Variants in METTL2B observed in about 807,000 individuals in gnomAD.
The protein encoded by METTL2B is tRNA N(3)-cytidine methyltransferase METTL2B.
In METTL2B, 28 loss-of-function variants were observed where a neutral mutation model predicts 51.0. The ratio of observed to expected loss-of-function variants is 0.55; its 90% CI spans 0.41 to 0.75. The LOEUF (loss-of-function observed/expected upper bound fraction) is 0.75, where lower values mean the gene tolerates loss of function less well. METTL2B is among the 30% of genes least tolerant of loss of function. The probability of loss-of-function intolerance (pLI) is 0.00; values close to 1 mark genes in which losing one functional copy is unlikely to be tolerated. For missense variants in METTL2B, 313 were observed against 460.7 expected (o/e 0.68, Z 2.93); for synonymous variants, 128 against 166.3 (o/e 0.77, Z 1.77).
At chr7:128,501,650 T>C in intron 8 of METTL2B, 112 bp from the exon 9 acceptor site, 4 of 1,517,160 alleles carry the variant, frequency 2.6e-6, no homozygotes, top group Non-Finnish European at 3.5e-6. Flanking sequence ...CAAATGGCCA[T>C]GTAAAAAACA....
intron 7 of METTL2B, among the ~76,000 whole-genome samples, chr7:128,499,592 C>A (rs1251766814): frequency 6.7e-6 from 1 of 148,716 alleles, no homozygotes; most frequent in Non-Finnish European, 1.5e-5. Context: ...GATCTCGGCT[C>A]ACTGCAACGT....
chr7:128,499,964 C>T (rs955426780), intron 7 of METTL2B, among the ~76,000 whole-genome samples: 5 of 152,158 alleles, frequency 3.3e-5, no homozygotes, highest in African/African-American at 1.2e-4. Context: ...TGCTTGTCAC[C>T]TGAGGTGGAC....
intron 5 of METTL2B, 180 bp downstream of exon 5, chr7:128,488,341 A>G (rs752351610): frequency 6.3e-5 from 57 of 899,848 alleles, no homozygotes; most frequent in Non-Finnish European, 1.0e-4. Context: ...ATCACACTGT[A>G]CAGATGTCAT....
intron 4 of METTL2B, among the ~76,000 whole-genome samples, chr7:128,485,006 T>A (rs1232983287): frequency 6.6e-6 from 1 of 152,132 alleles, no homozygotes; most frequent in African/African-American, 2.4e-5. Context: ...ATTTCCCAAT[T>A]TCCCCCAATC....
intron 7 of METTL2B, among the ~76,000 whole-genome samples, chr7:128,500,130 G>A (rs1315194587): frequency 6.6e-6 from 1 of 152,156 alleles, no homozygotes; most frequent in Non-Finnish European, 1.5e-5. Context: ...AGGTCTAGAA[G>A]TATGTGCCAG....
At chr7:128,496,067 C>T (rs1231319927) in intron 6 of METTL2B, among the ~76,000 whole-genome samples, 1 of 152,118 alleles carries the variant, frequency 6.6e-6, no homozygotes, top group Non-Finnish European at 1.5e-5. Context: ...CCTGGTTTAT[C>T]TCCCAGAGTC....
intron 7 of METTL2B, 105 bp downstream of exon 7, chr7:128,498,247 A>T (rs1792961137): frequency 7.6e-7 from 1 of 1,322,278 alleles, no homozygotes; most frequent in African/African-American, 1.5e-5. Context: ...CAAGAACAGA[A>T]AACCAAACAC....
At chr7:128,490,325 C>CTTTTTTT (rs56261578) in intron 5 of METTL2B, among the ~76,000 whole-genome samples, 1 of 131,852 alleles carries the variant, frequency 7.6e-6, no homozygotes, top group African/African-American at 2.8e-5. Context: ...TCAGGCTTCA[C>CTTTTTTT]TTTTTTTTTT....
At chr7:128,477,289 A>C (rs2288558) in intron 2 of METTL2B, 116 bp downstream of exon 2, 51,826 of 1,385,790 alleles carry the variant, frequency 0.037, 2,090 homozygotes, top group East Asian at 0.2. Context: ...CCTGATGCGG[A>C]TCTCAGGAGT....
Position 128,492,867 on chromosome 7 carries a change from C to T in METTL2B, c.670-937C>T, listed in dbSNP as rs1384970009. On this transcript the variant is annotated intron_variant, in intron 5 of 8. Coordinates refer to ENST00000262432, the MANE Select transcript of METTL2B (RefSeq NM_018396.3). ...TCCTGACCTCATGATCTGCGCGCCT[C>T]GGCCTCCCAAAGTGCTAGGATTACA... is the stretch of plus-strand genomic sequence containing the variant. Among the ~76,000 whole-genome samples the T allele has an allele frequency of 6.6e-5, 10 of 152,030 alleles. No homozygotes were observed. The East Asian group carries it at 1.4e-3, about 21-fold the overall frequency.
At chr7:128,477,021 C>G (rs1799809851) in intron 1 of METTL2B, 61 bp from the exon 2 acceptor site, 1 of 1,562,272 alleles carries the variant, frequency 6.4e-7, no homozygotes, top group Non-Finnish European at 8.7e-7. Flanking sequence ...CCTAGGCCAG[C>G]GACTCACCCT....
intron 3 of METTL2B, 95 bp from the exon 4 acceptor site, chr7:128,480,552 C>T: frequency 3.8e-6 from 6 of 1,588,446 alleles, no homozygotes; most frequent in Non-Finnish European, 5.1e-6. Context: ...TACAGTTAGG[C>T]CAGATTCTTG....
Position 128,479,244 on chromosome 7 carries a change from T to G in METTL2B, c.289T>G (p.Phe97Val). Residue 97 changes from phenylalanine to valine, a missense_variant, in exon 3 of 9, where the codon TTT (phenylalanine) becomes GTT (valine). Around this residue, in one of 4 missense-constraint regions of METTL2B, gnomAD observed 67 missense variants for 101.4 expected, o/e 0.66. Transcript: ENST00000262432. ...NGFFKDRHWL[F>V]TEFPELAPSQ... The stretch of plus-strand genomic sequence containing the variant: ...GTTTTTCAAGGATAGACATTGGCTT[T>G]TTACCGAATTCCCTGAGCTGGCACC... The G allele has an allele frequency of 1.9e-6, 3 of 1,614,228 alleles. No individual in the cohort carries two copies. Among genetic ancestry groups the G allele is most frequent in the Non-Finnish European group, 2.5e-6 (3 of 1,180,038 alleles).
intron 4 of METTL2B, among the ~76,000 whole-genome samples, chr7:128,482,556 C>T (rs4731460): frequency 2.6e-5 from 4 of 152,168 alleles, no homozygotes; most frequent in East Asian, 1.9e-4. Flanking sequence ...TTGTTTGAGA[C>T]GGAGTCTTGC....
intron 3 of METTL2B, among the ~76,000 whole-genome samples, chr7:128,479,770 C>A (rs866103792): frequency 6.6e-6 from 1 of 152,220 alleles, no homozygotes; most frequent in Non-Finnish European, 1.5e-5. Context: ...TTAATAGCAT[C>A]ATGCTGTACC....
chr7:128,496,666 G>T (rs528038466), intron 6 of METTL2B, among the ~76,000 whole-genome samples: 1 of 152,294 alleles, frequency 6.6e-6, no homozygotes, highest in South Asian at 2.1e-4. Context: ...CACACTTTTA[G>T]TCCCAGCTAC....
Position 128,479,305 on chromosome 7 carries a change from T to C in METTL2B, c.350T>C (p.Leu117Ser), listed in dbSNP as rs758149729. Residue 117 changes from leucine to serine, a missense_variant, in exon 3 of 9, where the codon TTG (leucine) becomes TCG (serine). This residue lies in a region of METTL2B where 67 missense variants were observed against 101.4 expected (regional missense o/e 0.66). Coordinates refer to ENST00000262432, the MANE Select transcript of METTL2B (RefSeq NM_018396.3). ...CAAAATCATTTGAAGGATTGGTTCT[T>C]GGAGAACAAGAGTGAAGTATGTGAA... ...QNQNHLKDWF[L>S]ENKSEVCECR... 10 of 1,614,230 alleles carry C rather than the reference T, an allele frequency of 6.2e-6. No homozygotes were observed. In the South Asian group the frequency reaches 1.1e-4, roughly 18 times the overall value.
In METTL2B at chr7:128,501,822, G is replaced by A. The variant is rs376554951; in HGVS notation, c.1043G>A (p.Arg348His). The change falls in exon 9 of 9, where the codon CGC becomes CAC. Residue 348 changes from arginine to histidine, a missense_variant. Coordinates refer to ENST00000262432, the MANE Select transcript of METTL2B (RefSeq NM_018396.3). ...GLEKVQNLVD[R>H]RLQVNRGKQL... ...GAAAAAGTTCAGAATCTGGTGGACC[G>A]CCGACTGCAGGTGAACCGAGGGAAG... is the stretch of plus-strand genomic sequence containing the variant. 21 of 1,614,082 alleles carry A rather than the reference G, an allele frequency of 1.3e-5. No individual in the cohort carries two copies. The South Asian group carries it at 1.5e-4, about 12-fold the overall frequency.
Position 128,502,051 on chromosome 7 carries a change from GC to G in METTL2B, c.*138del. 7.6e-7 allele frequency: 1 copy of G among 1,322,442 alleles called. No individual in the cohort carries two copies. The highest frequency in any genetic ancestry group is 1.0e-6 in the Non-Finnish European group (1 of 970,744). The allele number at this position is 1,322,442 out of a possible 1,614,324, so 81.9% of individuals were successfully genotyped here. On this transcript the variant is annotated 3_prime_UTR_variant, in exon 9 of 9. Transcript: ENST00000262432. ...GGCTGAGGCAGGGAGGATCCATTGA[GC>G]CCAGGAGTCCAGCCTGGGCAAAATA... is the stretch of plus-strand genomic sequence containing the variant.
Sources: allele counts gnomAD v4.1 joint callset (sites outside exome capture counted in the v4.1 genomes callset), GRCh38; gene constraint gnomAD v4.1.1; regional missense constraint gnomAD v4.1.1; transcripts MANE v1.5; gene names NCBI Gene and HGNC (gene_info 2026-07-23, HGNC 2026-07-21).